MRPS33: variants seen among roughly 807,000 people sequenced by gnomAD.
The protein encoded by MRPS33 is mitochondrial ribosomal protein S33.
Under a neutral mutation model 11.2 loss-of-function variants are expected in MRPS33, and 11 were observed. The ratio of observed to expected loss-of-function variants is 0.99; its 90% confidence interval spans 0.62 to 1.63. The LOEUF (loss-of-function observed/expected upper bound fraction) is 1.63. Ranked by LOEUF, MRPS33 falls within the 40% of genes most tolerant of loss-of-function variation. The pLI is 0.00. For synonymous variants in MRPS33, 46 were observed against 44.0 expected (o/e 1.05, Z -0.18); for missense variants, 109 against 127.8 (o/e 0.85, Z 0.71).
In MRPS33 at chr7:141,005,903, A is replaced by G. The variant is rs975250011; in HGVS notation, c.*527T>C. The G allele has an allele frequency of 6.4e-6, 1 of 156,030 alleles. No homozygotes were observed. The highest frequency in any genetic ancestry group is 1.4e-5 in the Non-Finnish European group (1 of 70,590). 9.7% of individuals were successfully genotyped at this position (156,030 alleles called of 1,614,324 possible). Reference sequence around the variant, plus strand: ...AGGGCCCCAATATCTTGTACAGAGCAGGTATTCAATACTTCCTTTTAAAAG... The same window carrying G: ...AGGGCCCCAATATCTTGTACAGAGCGGGTATTCAATACTTCCTTTTAAAAG... On this transcript the variant is annotated 3_prime_UTR_variant, in exon 3 of 3. Transcript: ENST00000324787.
Position 141,006,515 on chromosome 7 carries a change from A to T in MRPS33, c.236T>A (p.Met79Lys). 1.2e-6 allele frequency: 2 copies of T among 1,613,830 alleles called. No homozygotes were observed. Among genetic ancestry groups the T allele is most frequent in the Non-Finnish European group, 1.7e-6 (2 of 1,180,000 alleles). ...GLYRDEHQDF[M>K]DEQKRLKKLR... ...CTTCTTTAGTCGTTTTTGCTCATCC[A>T]TAAAATCCTGATGCTCATCTCTGAA... Residue 79 changes from methionine (M) to lysine (K), a missense_variant, in exon 3 of 3, where the codon ATG becomes AAG. Met to Lys is a moderately conservative substitution (Grantham distance 95). Coordinates refer to ENST00000324787, the MANE Select transcript of MRPS33 (RefSeq NM_053035.3).
rs776824277 is a variant in MRPS33 at position 141,006,075 on chromosome 7, G to T, written c.*355C>A. Reference sequence around the variant, plus strand: ...GGCTGGGTGAGTCAGTAAGCAAGAAGGGAGAAATGAGGACACTATAGGATG... The same window carrying T: ...GGCTGGGTGAGTCAGTAAGCAAGAATGGAGAAATGAGGACACTATAGGATG... On this transcript the variant is annotated 3_prime_UTR_variant, in exon 3 of 3. Transcript: ENST00000324787. 1 of 192,922 alleles carries T rather than the reference G, an allele frequency of 5.2e-6. No homozygotes were observed. Among genetic ancestry groups the T allele is most frequent in the Non-Finnish European group, 1.1e-5 (1 of 94,560 alleles). 12.0% of individuals were successfully genotyped at this position (192,922 alleles called of 1,614,324 possible). A position where few individuals can be genotyped will look rare whatever the true frequency, so the allele number is the denominator to read the frequency against.
At chr7:141,010,165 G>GT in intron 2 of MRPS33, 1 of 445,078 alleles carries the variant, frequency 2.2e-6, no homozygotes, top group East Asian at 4.3e-5. Flanking sequence ...CTACAGCTCA[G>GT]TATCTATTCA....
In MRPS33 at chr7:141,003,832, G is replaced by C. The variant is rs1820461536; in HGVS notation, c.*2598C>G. On this transcript the variant is annotated 3_prime_UTR_variant, in exon 3 of 3. Transcript: ENST00000324787. ...TAGTCATCCACCTACACCTGGCTCA[G>C]CTGCATTGGCCAAGAATAACAGTGC... 1 of 152,226 alleles carries C rather than the reference G, an allele frequency of 6.6e-6. No individual in the cohort carries two copies. Among genetic ancestry groups the C allele is most frequent in the Admixed American group, 6.5e-5 (1 of 15,284 alleles). 9.4% of individuals were successfully genotyped at this position (152,226 alleles called of 1,614,324 possible).
chr7:141,014,151 C>T (rs1183048922), intron 1 of MRPS33, among the ~76,000 whole-genome samples: 1 of 152,128 alleles, frequency 6.6e-6, no homozygotes, highest in African/African-American at 2.4e-5. Flanking sequence ...TTATTCTCTG[C>T]CAGGTTCTCT....
rs38733 is a variant in MRPS33, at chr7:141,005,684, C to T, written c.*746G>A. On this transcript the variant is annotated 3_prime_UTR_variant, in exon 3 of 3. Transcript: ENST00000324787. ...TTTCTTTAGGGAAGCTTTCTTTAAA[C>T]TCCCTAATGTGATTTGGGCTTCTGG... is the stretch of plus-strand genomic sequence containing the variant. 128,031 of 152,232 alleles carry T rather than the reference C, an allele frequency of 0.84. 53,986 individuals carry two copies. The highest frequency in any genetic ancestry group is 0.99 in the East Asian group (5,155 of 5,186). 9.4% of individuals were successfully genotyped at this position (152,232 alleles called of 1,614,324 possible).
Position 141,010,579 on chromosome 7 carries a change from A to T in MRPS33, c.55T>A (p.Phe19Ile). 6.2e-7 allele frequency: 1 copy of T among 1,614,242 alleles called. No homozygotes were observed. Among genetic ancestry groups the T allele is most frequent in the African/African-American group, 1.3e-5 (1 of 75,066 alleles). Reference protein sequence around the residue: ...FRMSRLSARLFGEVTRPTNSK... With the variant: ...FRMSRLSARLIGEVTRPTNSK... ...TTAGTAGGCCTGGTGACTTCACCAA[A>T]TAGCCGGGCACTGAGACGAGACATG... Residue 19 changes from phenylalanine to isoleucine, a missense_variant, in exon 2 of 3, where the codon TTT becomes ATT. By Grantham distance (21) the Phe-to-Ile change is conservative (BLOSUM62 0). Coordinates refer to ENST00000324787, the MANE Select transcript of MRPS33 (RefSeq NM_053035.3).
rs567825872 is a variant in MRPS33 at position 141,004,972 on chromosome 7, C to G, written c.*1458G>C. 1 of 152,272 alleles carries G rather than the reference C, an allele frequency of 6.6e-6. No homozygotes were observed. Among genetic ancestry groups the G allele is most frequent in the East Asian group, 1.9e-4 (1 of 5,192 alleles). The allele number at this position is 152,272 out of a possible 1,614,324, so 9.4% of individuals were successfully genotyped here. A position where few individuals can be genotyped will look rare whatever the true frequency, so the allele number is the denominator to read the frequency against. ...CCATGTTAGCCAGGATGGTCTCGATCCCCTGACCTCGTGATCCACCCGCCT... is the reference window on the plus strand; with the variant it reads ...CCATGTTAGCCAGGATGGTCTCGATGCCCTGACCTCGTGATCCACCCGCCT... On this transcript the variant is annotated 3_prime_UTR_variant, in exon 3 of 3. Coordinates refer to ENST00000324787, the MANE Select transcript of MRPS33 (RefSeq NM_053035.3).
chr7:141,006,630 T>G (rs1820537629), intron 2 of MRPS33, 95 bp from the exon 3 acceptor site: 1 of 1,039,344 alleles, frequency 9.6e-7, no homozygotes. Context: ...TCATTCTGGT[T>G]ATCGATCTTT....
chr7:141,008,454 T>C (rs1820588440), intron 2 of MRPS33, among the ~76,000 whole-genome samples: 1 of 152,172 alleles, frequency 6.6e-6, no homozygotes, highest in Non-Finnish European at 1.5e-5. Flanking sequence ...ATTCAAAACA[T>C]GTCATAGATT....
chr7:141,006,788 G>A (rs1043758257), intron 2 of MRPS33, among the ~76,000 whole-genome samples: 4 of 152,112 alleles, frequency 2.6e-5, no homozygotes, highest in African/African-American at 9.7e-5. Flanking sequence ...GAAATTCCCA[G>A]GCCAGCCTAC....
Position 141,006,304 on chromosome 7 carries a change from T to C in MRPS33, c.*126A>G. ...ACCGGATTAGATTTCACCAAGGAGA[T>C]GACTGTGTTCCTCCAAATAAACTTC... On this transcript the variant is annotated 3_prime_UTR_variant, in exon 3 of 3. Coordinates refer to ENST00000324787, the MANE Select transcript of MRPS33 (RefSeq NM_053035.3). 1.3e-6 allele frequency: 1 copy of C among 796,732 alleles called. No homozygotes were observed. Among genetic ancestry groups the C allele is most frequent in the Non-Finnish European group, 2.0e-6 (1 of 493,430 alleles). 49.4% of individuals were successfully genotyped at this position (796,732 alleles called of 1,614,324 possible). A position where few individuals can be genotyped will look rare whatever the true frequency, so the allele number is the denominator to read the frequency against.
In MRPS33 at chr7:141,005,568, T is replaced by C. The variant is rs2129163972; in HGVS notation, c.*862A>G. 6.6e-6 allele frequency: 1 copy of C among 152,282 alleles called. No homozygotes were observed. 9.4% of individuals were successfully genotyped at this position (152,282 alleles called of 1,614,324 possible). On this transcript the variant is annotated 3_prime_UTR_variant, in exon 3 of 3. Transcript: ENST00000324787. ...GGTTTCACCATGTTGGCCAAAATGG[T>C]CTCGATCTCTTGACCTTGTGATCCA...
At chr7:141,007,092 G>A (rs1052463241) in intron 2 of MRPS33, among the ~76,000 whole-genome samples, 18 of 152,128 alleles carry the variant, frequency 1.2e-4, no homozygotes, top group African/African-American at 4.3e-4. Flanking sequence ...AATCAAAGCA[G>A]CCAGGACTAC....
intron 2 of MRPS33, 97 bp downstream of exon 2, chr7:141,010,322 A>C: frequency 8.3e-7 from 1 of 1,209,228 alleles, no homozygotes; most frequent in Non-Finnish European, 1.2e-6. Flanking sequence ...GCTCTATTAT[A>C]AGAACAAAAC....
In MRPS33 at chr7:141,006,126, T is replaced by A. The variant is rs801099; in HGVS notation, c.*304A>T. ...CTCACTTAATGAGGTTTCCCCTCCA[T>A]TCCCCCAGCATCCCATCCCACCCCA... On this transcript the variant is annotated 3_prime_UTR_variant, in exon 3 of 3. Coordinates refer to ENST00000324787, the MANE Select transcript of MRPS33 (RefSeq NM_053035.3). 1 of 352,710 alleles carries A rather than the reference T, an allele frequency of 2.8e-6. No individual in the cohort carries two copies. The highest frequency in any genetic ancestry group is 5.2e-6 in the Non-Finnish European group (1 of 191,972). 21.8% of individuals were successfully genotyped at this position (352,710 alleles called of 1,614,324 possible).
At chr7:141,007,007 G>A (rs1820550082) in intron 2 of MRPS33, among the ~76,000 whole-genome samples, 1 of 152,122 alleles carries the variant, frequency 6.6e-6, no homozygotes, top group Non-Finnish European at 1.5e-5. Flanking sequence ...AGTGGCAGCA[G>A]GTAACTCACA....
At chr7:141,013,243 G>A (rs918814242) in intron 1 of MRPS33, among the ~76,000 whole-genome samples, 5 of 152,316 alleles carry the variant, frequency 3.3e-5, no homozygotes, top group African/African-American at 1.2e-4. Flanking sequence ...TAGGACAGTA[G>A]TCACTGAAGC....
In MRPS33 at chr7:141,006,154, C is replaced by G. The variant is rs1231473889; in HGVS notation, c.*276G>C. The G allele has an allele frequency of 7.3e-6, 3 of 412,120 alleles. No individual in the cohort carries two copies. The highest frequency in any genetic ancestry group is 9.9e-5 in the East Asian group (2 of 20,244). The allele number at this position is 412,120 out of a possible 1,614,324, so 25.5% of individuals were successfully genotyped here. On this transcript the variant is annotated 3_prime_UTR_variant, in exon 3 of 3. Transcript: ENST00000324787. ...CCCCAGCATCCCATCCCACCCCAAA[C>G]AAATCATCAAACAATAACTTAGGTA...
Sources: allele counts gnomAD v4.1 joint callset (sites outside exome capture counted in the v4.1 genomes callset), GRCh38; gene constraint gnomAD v4.1.1; transcripts MANE v1.5; gene names NCBI Gene and HGNC (gene_info 2026-07-23, HGNC 2026-07-21).